The following MDM4 variants were observed in gnomAD, a reference collection of about 807,000 sequenced individuals.
The protein encoded by MDM4 is MDM4 regulator of p53, also known as protein Mdm4.
Under a neutral mutation model 60.2 loss-of-function variants are expected in MDM4, and 2 were observed. That is an observed-to-expected ratio of 0.03 (90% CI 0.01 to 0.10). The LOEUF (loss-of-function observed/expected upper bound fraction) is 0.10. MDM4 is among the 10% of genes least tolerant of loss of function. MDM4 has a pLI of 1.00. For missense variants in MDM4, 447 were observed against 577.5 expected, an observed-to-expected ratio of 0.77 and a Z score of 2.32; for synonymous variants, 202 against 198.1, an observed-to-expected ratio of 1.02 and a Z score of -0.17.
In MDM4 at chr1:204,554,153, A is replaced by G. The variant is rs1663404189; in HGVS notation, c.*4471A>G. ...TTGGCTGCCTTTTGAAGTCTTTGAT[A>G]TATTGGTGAATATTCTTCTGATCTA... On this transcript the variant is annotated 3_prime_UTR_variant, in exon 11 of 11. Coordinates refer to ENST00000367182, the MANE Select transcript of MDM4 (RefSeq NM_002393.5). 2 of 228,238 alleles carry G rather than the reference A, an allele frequency of 8.8e-6. No homozygotes were observed. The highest frequency in any genetic ancestry group is 1.7e-5 in the Non-Finnish European group (2 of 114,978). 14.1% of individuals were successfully genotyped at this position (228,238 alleles called of 1,614,324 possible).
intron 8 of MDM4, among the ~76,000 whole-genome samples, chr1:204,544,220 G>A (rs182131553): frequency 6.6e-6 from 1 of 152,274 alleles, no homozygotes; most frequent in African/African-American, 2.4e-5. Flanking sequence ...GGAATTTAGG[G>A]AATAGATTCT....
At position 204,552,122 on chromosome 1, in the gene MDM4, A is replaced by G. The variant is rs1211068338; in HGVS notation, c.*2440A>G. The G allele has an allele frequency of 1.9e-5, 3 of 154,424 alleles. No homozygotes were observed. Among genetic ancestry groups the G allele is most frequent in the Non-Finnish European group, 4.3e-5 (3 of 69,590 alleles). 9.6% of individuals were successfully genotyped at this position (154,424 alleles called of 1,614,324 possible). ...CCCCATTTTTACTAAAAATACAAAA[A>G]ATTAGCTGGGCATGGTGGTGCATGC... On this transcript the variant is annotated 3_prime_UTR_variant, in exon 11 of 11. Coordinates refer to ENST00000367182, the MANE Select transcript of MDM4 (RefSeq NM_002393.5).
At position 204,549,283 on chromosome 1, in the gene MDM4, T is replaced by G; in HGVS notation, c.1074T>G (p.Asp358Glu). 6.2e-7 allele frequency: 1 copy of G among 1,614,212 alleles called. No homozygotes were observed. Residue 358 changes from aspartate to glutamate, a missense_variant, in exon 11 of 11, where the codon GAT (aspartate) becomes GAG (glutamate). Physicochemically the swap from Asp to Glu is conservative, Grantham distance 45. This residue lies in a region of MDM4 where 117 missense variants were observed against 114.5 expected (regional missense o/e 1.02). Coordinates refer to ENST00000367182, the MANE Select transcript of MDM4 (RefSeq NM_002393.5). ...AIPEKENEGN[D>E]VPDCRRTISA... is the part of the protein sequence containing the mutation. ...CTGAAAAGGAAAATGAAGGAAATGA[T>G]GTCCCTGATTGTCGAAGAACCATTT... is the stretch of plus-strand genomic sequence containing the variant.
At chr1:204,531,693 G>A (rs558682179) in intron 4 of MDM4, among the ~76,000 whole-genome samples, 6 of 152,242 alleles carry the variant, frequency 3.9e-5, no homozygotes, top group Non-Finnish European at 7.4e-5. Context: ...TTAGCTGGGC[G>A]TGGTGGCGGG....
At chr1:204,530,097 A>G (rs1660715889) in intron 3 of MDM4, among the ~76,000 whole-genome samples, 1 of 152,164 alleles carries the variant, frequency 6.6e-6, no homozygotes, top group African/African-American at 2.4e-5. Flanking sequence ...GCTGGTATCA[A>G]ACTCCTGGGT....
chr1:204,521,379 G>A (rs55684802), intron 1 of MDM4, among the ~76,000 whole-genome samples: 194 of 152,276 alleles, frequency 1.3e-3, no homozygotes, highest in African/African-American at 4.3e-3. Context: ...AGGCTGGAAC[G>A]TGTGTGATGC....
intron 3 of MDM4, among the ~76,000 whole-genome samples, chr1:204,530,109 C>A (rs895494445): frequency 6.6e-6 from 1 of 152,154 alleles, no homozygotes; most frequent in Non-Finnish European, 1.5e-5. Context: ...CTCCTGGGTT[C>A]AAGCAATTTG....
intron 1 of MDM4, among the ~76,000 whole-genome samples, chr1:204,517,294 A>G (rs982849454): frequency 6.6e-6 from 1 of 152,116 alleles, no homozygotes; most frequent in African/African-American, 2.4e-5. Context: ...AAACCTACAG[A>G]CAGTATCGAG....
chr1:204,546,377 A>AT (rs1019491436), intron 9 of MDM4, among the ~76,000 whole-genome samples: 8 of 151,736 alleles, frequency 5.3e-5, no homozygotes, highest in Non-Finnish European at 1.5e-5. Context: ...AATTTTTTTT[A>AT]TTTTTTGCAG....
chr1:204,535,197 G>A (rs1327076514), intron 5 of MDM4, among the ~76,000 whole-genome samples: 5 of 141,976 alleles, frequency 3.5e-5, no homozygotes, highest in Admixed American at 2.2e-4. Flanking sequence ...TCGCTCTGTC[G>A]CCTAGGCTGG....
intron 3 of MDM4, among the ~76,000 whole-genome samples, chr1:204,528,043 CT>C (rs1325478659): frequency 4.7e-5 from 7 of 147,476 alleles, no homozygotes; most frequent in Non-Finnish European, 6.0e-5. Context: ...CACGTAAGAC[CT>C]TTTTTTCCCC....
rs1572494026 is a variant in MDM4 at position 204,536,790 on chromosome 1, CTT to C, written c.344-638_344-637del. The C allele has an allele frequency of 4.8e-5, 9 of 186,510 alleles. 1 individual carries two copies. In the East Asian group the frequency reaches 1.6e-3, roughly 32 times the overall value. The allele number at this position is 186,510 out of a possible 1,614,324, so 11.6% of individuals were successfully genotyped here. ...TTCTTTTTATTGGCCTTGAGAAAAA[CTT>C]TATTTGCTGCTGCTTCTTAGGAAAT... On this transcript the variant is annotated intron_variant, in intron 5 of 10. Transcript: ENST00000367182.
At chr1:204,542,378 T>C (rs1662184865) in intron 7 of MDM4, among the ~76,000 whole-genome samples, 1 of 152,226 alleles carries the variant, frequency 6.6e-6, no homozygotes, top group Non-Finnish European at 1.5e-5. Context: ...ATCAAACTAT[T>C]ATCAGGCACT....
chr1:204,535,436 C>T (rs546341100), intron 5 of MDM4, among the ~76,000 whole-genome samples: 2 of 152,226 alleles, frequency 1.3e-5, no homozygotes, highest in East Asian at 3.9e-4. Context: ...GGATTACAGG[C>T]GTGAGCCACT....
chr1:204,549,250 T>C lies in MDM4; in HGVS notation c.1041T>C (p.Thr347=), dbSNP rs2102455189. ...LTHSLSTSDI[T]AIPEKENEGN... is the part of the protein sequence containing the mutation. ...ATTCTCTCTCCACGTCTGATATCACTGCCATACCTGAAAAGGAAAATGAAG... is the reference window on the plus strand; with the variant it reads ...ATTCTCTCTCCACGTCTGATATCACCGCCATACCTGAAAAGGAAAATGAAG... Residue 347 remains threonine, a synonymous_variant, in exon 11 of 11, where the codon ACT becomes ACC. Transcript: ENST00000367182. 1 of 1,614,172 alleles carries C rather than the reference T, an allele frequency of 6.2e-7. No homozygotes were observed. The highest frequency in any genetic ancestry group is 8.5e-7 in the Non-Finnish European group (1 of 1,180,012).
chr1:204,538,476 G>A (rs567235679), intron 7 of MDM4, among the ~76,000 whole-genome samples, 168 bp downstream of exon 7: 2 of 152,258 alleles, frequency 1.3e-5, no homozygotes, highest in African/African-American at 2.4e-5. Context: ...CTTTGAAGAG[G>A]TAGTGCTATT....
rs1028887182 is a variant in MDM4 at position 204,555,234 on chromosome 1, A to G, written c.*5552A>G. The G allele has an allele frequency of 3.5e-5, 6 of 173,498 alleles. No individual in the cohort carries two copies. Among genetic ancestry groups the G allele is most frequent in the Non-Finnish European group, 7.4e-5 (6 of 80,822 alleles). 10.7% of individuals were successfully genotyped at this position (173,498 alleles called of 1,614,324 possible). On this transcript the variant is annotated 3_prime_UTR_variant, in exon 11 of 11. Transcript: ENST00000367182. ...CAGTGGCGCGATCTCGGCTCACTGCAACCTCCGCCTCCCGGGTTCACCCCA... is the reference window on the plus strand; with the variant it reads ...CAGTGGCGCGATCTCGGCTCACTGCGACCTCCGCCTCCCGGGTTCACCCCA...
At position 204,544,543 on chromosome 1, in the gene MDM4, T is replaced by C. The variant is rs1662457336; in HGVS notation, c.681T>C (p.Gly227=). 1 of 1,609,766 alleles carries C rather than the reference T, an allele frequency of 6.2e-7. No individual in the cohort carries two copies. Among genetic ancestry groups the C allele is most frequent in the African/African-American group, 1.3e-5 (1 of 74,856 alleles). ...TGTTTTTTTTCTGTTAGGATGTGGG[T>C]ACTGCCATTGTTTCAGATACTACAG... is the stretch of plus-strand genomic sequence containing the variant. ...STDLQTNQDV[G]TAIVSDTTDD... The change falls in exon 9 of 11, where the codon GGT becomes GGC. Residue 227 remains glycine (G), a synonymous_variant. Transcript: ENST00000367182.
intron 10 of MDM4, among the ~76,000 whole-genome samples, chr1:204,548,249 T>G (rs929070440): frequency 3.3e-5 from 5 of 152,224 alleles, no homozygotes; most frequent in Non-Finnish European, 5.9e-5. Context: ...TTAAATGAGA[T>G]TGGAAGATCT....
Sources: gnomAD v4.1 joint callset for allele counts (sites outside exome capture counted in the v4.1 genomes callset) on GRCh38, gnomAD v4.1.1 for gene constraint, gnomAD v4.1.1 regional missense constraint, MANE v1.5 for transcripts, NCBI Gene and HGNC (gene_info 2026-07-23, HGNC 2026-07-21) for gene names.